WWOX: variants seen among roughly 807,000 people sequenced by gnomAD.
The protein encoded by WWOX is WW domain-containing oxidoreductase.
Under a neutral mutation model 46.2 loss-of-function variants are expected in WWOX, and 69 were observed. The ratio of observed to expected loss-of-function variants is 1.49; its 90% confidence interval spans 1.23 to 1.82. The LOEUF (loss-of-function observed/expected upper bound fraction) is 1.82, where lower values mean the gene tolerates loss of function less well. Among genes scored for constraint, WWOX ranks in the 40% most tolerant of loss-of-function variants. The pLI is 0.00. For missense variants in WWOX, 919 were observed against 542.6 expected, an observed-to-expected ratio of 1.69 and a Z score of -6.89; for synonymous variants, 359 against 202.6, an observed-to-expected ratio of 1.77 and a Z score of -6.56.
intron 8 of WWOX, among the ~76,000 whole-genome samples, chr16:78,915,688 C>T (rs977257449): frequency 7.9e-5 from 3 of 38,166 alleles, no homozygotes; most frequent in African/African-American, 2.8e-4. Context: ...TATTCCTCTC[C>T]AAAGCCATTT....
intron 4 of WWOX, among the ~76,000 whole-genome samples, chr16:78,141,927 T>C (rs764187504): frequency 2.5e-4 from 38 of 152,024 alleles, no homozygotes; most frequent in Non-Finnish European, 4.6e-4. Flanking sequence ...AAAATACATA[T>C]ATTCTATGTA....
intron 8 of WWOX, among the ~76,000 whole-genome samples, chr16:79,040,922 C>A (rs960486610): frequency 6.6e-6 from 1 of 152,018 alleles, no homozygotes; most frequent in Non-Finnish European, 1.5e-5. Flanking sequence ...GGTTGCAGGA[C>A]GCATCCATGG....
intron 8 of WWOX, among the ~76,000 whole-genome samples, chr16:78,877,960 C>A (rs923289677): frequency 4.6e-5 from 7 of 152,146 alleles, no homozygotes; most frequent in African/African-American, 1.7e-4. Flanking sequence ...ATTGCAAATC[C>A]CCTCTTGTGC....
chr16:78,114,822 A>ACATTT (rs1483004824), intron 3 of WWOX, among the ~76,000 whole-genome samples, 154 bp from the exon 4 acceptor site: 1 of 152,174 alleles, frequency 6.6e-6, no homozygotes, highest in East Asian at 1.9e-4. Context: ...TCTGGAGGCC[A>ACATTT]GAAGATAGAT....
chr16:78,427,388 T>G (rs900830747), intron 7 of WWOX, among the ~76,000 whole-genome samples: 3 of 152,168 alleles, frequency 2.0e-5, no homozygotes, highest in African/African-American at 4.8e-5. Flanking sequence ...AATGAGAAGT[T>G]GACTTCTTTG....
At chr16:78,218,705 C>T (rs1407789285) in intron 5 of WWOX, among the ~76,000 whole-genome samples, 2 of 152,150 alleles carry the variant, frequency 1.3e-5, no homozygotes, top group Admixed American at 6.5e-5. Context: ...AGGGAAAGCA[C>T]GACTTTGGGG....
chr16:78,422,567 G>C (rs562238636), intron 6 of WWOX, among the ~76,000 whole-genome samples: 58 of 148,126 alleles, frequency 3.9e-4, no homozygotes, highest in African/African-American at 1.4e-3. Flanking sequence ...GGCTGGTTTT[G>C]AATACTGGGC....
chr16:79,070,982 T>C (rs886230857), intron 8 of WWOX, among the ~76,000 whole-genome samples: 3 of 152,206 alleles, frequency 2.0e-5, no homozygotes, highest in Non-Finnish European at 4.4e-5. Flanking sequence ...TACCCCCACA[T>C]ACTTTGGGAC....
chr16:79,203,872 C>G (rs747514333), intron 8 of WWOX: 7 of 152,234 alleles, frequency 4.6e-5, no homozygotes, highest in South Asian at 4.2e-4. Flanking sequence ...CACGAGCTAG[C>G]TATAACCATA....
In WWOX at chr16:78,512,776, A is replaced by G. The variant is rs1327992614; in HGVS notation, c.1056+80024A>G. On this transcript the variant is annotated intron_variant, in intron 8 of 8. Coordinates refer to ENST00000566780, the MANE Select transcript of WWOX (RefSeq NM_016373.4). ...ATAAGCTTGACTGGCTTGTAAATCA[A>G]TGAAGGTTACTGTTGCATTGCTTTG... is the stretch of plus-strand genomic sequence containing the variant. Among the ~76,000 whole-genome samples the G allele has an allele frequency of 2.6e-5, 4 of 152,264 alleles. No homozygotes were observed. The South Asian group carries it at 6.2e-4, about 24-fold the overall frequency.
intron 6 of WWOX, among the ~76,000 whole-genome samples, chr16:78,389,173 C>T (rs1306287012): frequency 6.6e-6 from 1 of 152,190 alleles, no homozygotes; most frequent in African/African-American, 2.4e-5. Context: ...CTTTGCAGCG[C>T]TTGGCTGTTA....
intron 8 of WWOX, among the ~76,000 whole-genome samples, chr16:78,801,319 G>A (rs1342627611): frequency 6.6e-6 from 1 of 152,074 alleles, no homozygotes; most frequent in African/African-American, 2.4e-5. Context: ...AGACCACCCT[G>A]GCCAACATGG....
At chr16:78,474,805 A>G (rs937620242) in intron 8 of WWOX, among the ~76,000 whole-genome samples, 1 of 152,122 alleles carries the variant, frequency 6.6e-6, no homozygotes, top group Non-Finnish European at 1.5e-5. Flanking sequence ...TATATTCTGG[A>G]CATTTCTCAT....
chr16:78,836,349 C>T (rs1243115385), intron 8 of WWOX, among the ~76,000 whole-genome samples: 1 of 152,060 alleles, frequency 6.6e-6, no homozygotes, highest in East Asian at 1.9e-4. Context: ...AAGCCAGTGG[C>T]CCCAGCAGAG....
Position 78,455,550 on chromosome 16 carries a change from C to G in WWOX, c.1056+22798C>G, listed in dbSNP as rs967576814. Among the ~76,000 whole-genome samples, 5 of 140,950 alleles carry G rather than the reference C, an allele frequency of 3.5e-5. No individual in the cohort carries two copies. The Admixed American group carries it at 3.9e-4, about 11-fold the overall frequency. 92.5% of individuals were successfully genotyped at this position (140,950 alleles called of 152,430 possible). ...CCCAGCTACTCTGGATGCTGAGGCA[C>G]GAGAATTGCTTGAACCTGGGAGTAG... On this transcript the variant is annotated intron_variant, in intron 8 of 8. Transcript: ENST00000566780.
At chr16:78,556,296 A>T (rs1325748591) in intron 8 of WWOX, among the ~76,000 whole-genome samples, 1 of 151,640 alleles carries the variant, frequency 6.6e-6, no homozygotes, top group Non-Finnish European at 1.5e-5. Context: ...CAACACAGAG[A>T]CATGGAGACA....
chr16:78,696,908 C>T (rs531527842), intron 8 of WWOX, among the ~76,000 whole-genome samples: 2 of 152,284 alleles, frequency 1.3e-5, no homozygotes, highest in Non-Finnish European at 2.9e-5. Flanking sequence ...AGTGAAAACA[C>T]ACAGTGCTTG....
intron 8 of WWOX, among the ~76,000 whole-genome samples, chr16:78,683,696 C>G (rs2047785652): frequency 1.3e-5 from 2 of 152,140 alleles, no homozygotes; most frequent in Non-Finnish European, 2.9e-5. Context: ...GCTGCCACGC[C>G]TCACCTCTTG....
intron 8 of WWOX, among the ~76,000 whole-genome samples, chr16:79,163,437 A>G (rs529687388): frequency 1.7e-4 from 26 of 152,302 alleles, no homozygotes; most frequent in African/African-American, 6.3e-4. Flanking sequence ...GCTCTATAAG[A>G]GATAAGCATA....
Sources: gnomAD v4.1 joint callset for allele counts (sites outside exome capture counted in the v4.1 genomes callset) on GRCh38, gnomAD v4.1.1 for gene constraint, MANE v1.5 for transcripts, NCBI Gene and HGNC (gene_info 2026-07-23, HGNC 2026-07-21) for gene names.